PCDH9: variants seen among roughly 807,000 people sequenced by gnomAD.
PCDH9 encodes protocadherin-9.
PCDH9 carries 24 observed loss-of-function variants against 70.6 expected under a neutral mutation model. The observed-to-expected ratio is 0.34, with a 90% CI of 0.25 to 0.48. PCDH9 has a LOEUF of 0.48. Among genes scored for constraint, PCDH9 ranks in the 20% least tolerant of loss-of-function variants. The probability of loss-of-function intolerance (pLI) is 0.99; values close to 1 mark genes in which losing one functional copy is unlikely to be tolerated. For synonymous variants in PCDH9, 562 were observed against 558.5 expected, an observed-to-expected ratio of 1.01 and a Z score of -0.09; for missense variants, 1,281 against 1,503.6, an observed-to-expected ratio of 0.85 and a Z score of 2.45.
At chr13:67,135,061 CTAA>C (rs370167880) in intron 2 of PCDH9, among the ~76,000 whole-genome samples, 181 of 152,072 alleles carry the variant, frequency 1.2e-3, no homozygotes, top group African/African-American at 4.3e-3. Flanking sequence ...TCTACTATTC[CTAA>C]TAATAATGCA....
intron 4 of PCDH9, among the ~76,000 whole-genome samples, chr13:66,399,612 G>T (rs1194321010): frequency 6.6e-6 from 1 of 151,596 alleles, no homozygotes; most frequent in Non-Finnish European, 1.5e-5. Flanking sequence ...TTATTCTAAG[G>T]CATATTAATA....
At chr13:66,575,980 G>A (rs1035924187) in intron 4 of PCDH9, among the ~76,000 whole-genome samples, 7 of 150,994 alleles carry the variant, frequency 4.6e-5, no homozygotes, top group Non-Finnish European at 1.0e-4. Flanking sequence ...GTACAAAAAA[G>A]TCACCAGATT....
chr13:66,815,626 T>C (rs1318675371), intron 3 of PCDH9, among the ~76,000 whole-genome samples: 5 of 152,182 alleles, frequency 3.3e-5, no homozygotes. Flanking sequence ...TGCAGGATAC[T>C]GTAGGCCAGT....
chr13:66,870,695 C>T (rs1201062459), intron 3 of PCDH9, among the ~76,000 whole-genome samples: 2 of 152,182 alleles, frequency 1.3e-5, no homozygotes, highest in Non-Finnish European at 2.9e-5. Context: ...GAGATACCAT[C>T]TCACACCAGT....
chr13:67,037,067 A>T (rs984151918), intron 2 of PCDH9, among the ~76,000 whole-genome samples: 36 of 152,312 alleles, frequency 2.4e-4, no homozygotes, highest in African/African-American at 7.9e-4. Context: ...CCACAGACTT[A>T]GTTAAAAGCA....
intron 2 of PCDH9, among the ~76,000 whole-genome samples, chr13:66,924,646 T>A (rs1251625868): frequency 1.3e-5 from 2 of 151,848 alleles, no homozygotes. Context: ...TTATACATAT[T>A]TTGAAGAGCA....
intron 4 of PCDH9, among the ~76,000 whole-genome samples, chr13:66,337,759 C>G (rs188017057): frequency 1.1e-3 from 171 of 152,070 alleles, no homozygotes; most frequent in Non-Finnish European, 1.3e-3. Context: ...AGCCACTACA[C>G]AAAGTAAATA....
At chr13:66,837,780 G>A (rs890439517) in intron 3 of PCDH9, among the ~76,000 whole-genome samples, 1 of 152,086 alleles carries the variant, frequency 6.6e-6, no homozygotes, top group Non-Finnish European at 1.5e-5. Context: ...TAACTATGAG[G>A]TATTGGTAAT....
chr13:67,003,051 C>T (rs1230313523), intron 2 of PCDH9, among the ~76,000 whole-genome samples: 1 of 151,854 alleles, frequency 6.6e-6, no homozygotes, highest in African/African-American at 2.4e-5. Flanking sequence ...AGCCACTAAT[C>T]GGTTTATGAA....
At chr13:67,176,705 A>G (rs2138466395) in intron 2 of PCDH9, among the ~76,000 whole-genome samples, 1 of 152,158 alleles carries the variant, frequency 6.6e-6, no homozygotes, top group Admixed American at 6.5e-5. Context: ...CTCTTTATGT[A>G]ATTGTACCCA....
At chr13:66,777,462 T>C (rs1262506886) in intron 3 of PCDH9, among the ~76,000 whole-genome samples, 26 of 151,982 alleles carry the variant, frequency 1.7e-4, no homozygotes, top group African/African-American at 6.0e-4. Flanking sequence ...CATCAAAAAG[T>C]GGGCAAAGGA....
chr13:67,160,918 C>A (rs944360860), intron 2 of PCDH9, among the ~76,000 whole-genome samples: 1 of 152,140 alleles, frequency 6.6e-6, no homozygotes, highest in African/African-American at 2.4e-5. Flanking sequence ...CTTTCCTGGT[C>A]GCTTAGATAT....
rs529600163 is a variant in PCDH9, at chr13:66,651,017, A to G, written c.3139-19606T>C. On this transcript the variant is annotated intron_variant, in intron 3 of 4. Transcript: ENST00000377865. ...ATGGAAACACAACATACCAAAACCT[A>G]TGCGATACAGCAAAAACAATACCCA... Among the ~76,000 whole-genome samples the G allele has an allele frequency of 2.8e-4, 42 of 152,050 alleles. No homozygotes were observed. In the East Asian group the frequency reaches 5.6e-3, roughly 20 times the overall value.
chr13:67,105,975 T>G (rs946676866), intron 2 of PCDH9, among the ~76,000 whole-genome samples: 3 of 151,616 alleles, frequency 2.0e-5, no homozygotes, highest in Non-Finnish European at 2.9e-5. Context: ...GGAAAGAAAT[T>G]TTGAAGGGAC....
At chr13:67,130,163 G>A (rs958960030) in intron 2 of PCDH9, among the ~76,000 whole-genome samples, 1 of 152,096 alleles carries the variant, frequency 6.6e-6, no homozygotes, top group Non-Finnish European at 1.5e-5. Flanking sequence ...TTATGAATGA[G>A]CATTTTCACT....
chr13:66,317,061 T>A (rs905308558), intron 4 of PCDH9, among the ~76,000 whole-genome samples: 5 of 152,132 alleles, frequency 3.3e-5, no homozygotes, highest in African/African-American at 1.2e-4. Flanking sequence ...CATCACTACC[T>A]TTCACAATAC....
At chr13:67,006,251 T>G (rs1228558861) in intron 2 of PCDH9, among the ~76,000 whole-genome samples, 2 of 151,284 alleles carry the variant, frequency 1.3e-5, no homozygotes, top group African/African-American at 2.4e-5. Context: ...AACAAAAAAA[T>G]TGGATCTTAT....
chr13:67,201,333 A>T (rs2089206929), intron 2 of PCDH9: 1 of 152,018 alleles, frequency 6.6e-6, no homozygotes, highest in Non-Finnish European at 1.5e-5. Context: ...TTGATATACA[A>T]CTCTTTAAAT....
At chr13:67,225,303 A>C in intron 2 of PCDH9, 102 bp downstream of exon 2, 1 of 1,347,656 alleles carries the variant, frequency 7.4e-7, no homozygotes, top group Non-Finnish European at 1.0e-6. Context: ...CTTTCTAACT[A>C]AGCTAAAGTT....
Sources: gnomAD v4.1 joint callset for allele counts (sites outside exome capture counted in the v4.1 genomes callset) on GRCh38, gnomAD v4.1.1 for gene constraint, MANE v1.5 for transcripts, NCBI Gene and HGNC (gene_info 2026-07-23, HGNC 2026-07-21) for gene names.